Variants in PDCL3 observed in about 807,000 individuals in gnomAD.
PDCL3 encodes the protein phosducin-like protein 3.
PDCL3 carries 22 observed loss-of-function variants against 26.5 expected under a neutral mutation model. The observed-to-expected ratio is 0.83, with a 90% CI of 0.59 to 1.19. The LOEUF is 1.19. Ranked by LOEUF, PDCL3 falls within the 50% of genes most tolerant of loss-of-function variation. The probability of loss-of-function intolerance (pLI) is 0.00; values close to 1 mark genes in which losing one functional copy is unlikely to be tolerated. For missense variants in PDCL3, 246 were observed against 294.1 expected, an observed-to-expected ratio of 0.84 and a Z score of 1.20; for synonymous variants, 81 against 104.9, an observed-to-expected ratio of 0.77 and a Z score of 1.39.
chr2:100,575,318 G>GT, intron 5 of PDCL3, among the ~76,000 whole-genome samples: 1 of 152,178 alleles, frequency 6.6e-6, no homozygotes, highest in African/African-American at 2.4e-5. Flanking sequence ...TGTATTTTTA[G>GT]TAGAGACGGG....
At chr2:100,565,083 G>T (rs1394085089) in intron 1 of PDCL3, among the ~76,000 whole-genome samples, 1 of 152,162 alleles carries the variant, frequency 6.6e-6, no homozygotes, top group Non-Finnish European at 1.5e-5. Flanking sequence ...CATGCCGCAG[G>T]CCGCTCTGCC....
At chr2:100,574,535 A>G (rs913006083) in intron 5 of PDCL3, among the ~76,000 whole-genome samples, 3 of 152,198 alleles carry the variant, frequency 2.0e-5, no homozygotes, top group Admixed American at 6.5e-5. Flanking sequence ...TAGAGGTACA[A>G]TGTGAAATGA....
intron 1 of PDCL3, 73 bp downstream of exon 1, chr2:100,563,146 G>A (rs898146155): frequency 3.2e-5 from 49 of 1,522,830 alleles, no homozygotes; most frequent in Non-Finnish European, 4.3e-5. Flanking sequence ...GGCGGGCAGT[G>A]GACGCCCGCC....
At position 100,569,606 on chromosome 2, in the gene PDCL3, A is replaced by G. The variant is rs756168195; in HGVS notation, c.253A>G (p.Thr85Ala). Reference sequence around the variant, plus strand: ...GCGGAGACTGGCTGAGTGGAAAGCAACTAAACTGAAGAATAAATTCGGAGA... The same window carrying G: ...GCGGAGACTGGCTGAGTGGAAAGCAGCTAAACTGAAGAATAAATTCGGAGA... ...RRRRLAEWKA[T>A]KLKNKFGEVL... The change falls in exon 4 of 6, where the codon ACT becomes GCT. Residue 85 changes from threonine to alanine, a missense_variant. Physicochemically the swap from Thr to Ala is moderately conservative, Grantham distance 58. Coordinates refer to ENST00000264254, the MANE Select transcript of PDCL3 (RefSeq NM_024065.5). The G allele has an allele frequency of 1.7e-5, 28 of 1,613,780 alleles. No homozygotes were observed. The East Asian group carries it at 6.0e-4, about 35-fold the overall frequency.
intron 1 of PDCL3, among the ~76,000 whole-genome samples, chr2:100,564,963 G>A (rs1675032210): frequency 6.6e-6 from 1 of 152,172 alleles, no homozygotes; most frequent in South Asian, 2.1e-4. Context: ...ACTCTGAGAC[G>A]TCTCAGCTTT....
Position 100,571,696 on chromosome 2 carries a change from C to T in PDCL3, c.475C>T (p.Pro159Ser), listed in dbSNP as rs1167367950. ...TTCAACAACCTGCATACCCAATTAT[C>T]CTGATAGGAATCTGCCCACGATATT... ...AISTTCIPNY[P>S]DRNLPTIFVY... Residue 159 changes from proline to serine, a missense_variant, in exon 5 of 6, where the codon CCT becomes TCT. Coordinates refer to ENST00000264254, the MANE Select transcript of PDCL3 (RefSeq NM_024065.5). The T allele has an allele frequency of 1.9e-6, 3 of 1,613,806 alleles. No homozygotes were observed. The highest frequency in any genetic ancestry group is 2.2e-5 in the South Asian group (2 of 91,080).
At chr2:100,568,532 T>A (rs1219662296) in intron 2 of PDCL3, among the ~76,000 whole-genome samples, 1 of 152,122 alleles carries the variant, frequency 6.6e-6, no homozygotes, top group Non-Finnish European at 1.5e-5. Context: ...CTCAGGAGGC[T>A]GAGGCAGGAG....
chr2:100,568,004 G>A (rs1373745284), intron 2 of PDCL3, among the ~76,000 whole-genome samples: 1 of 152,032 alleles, frequency 6.6e-6, no homozygotes, highest in African/African-American at 2.4e-5. Flanking sequence ...TTGTAGCGAT[G>A]AGGTTTCACC....
intron 4 of PDCL3, among the ~76,000 whole-genome samples, chr2:100,570,474 C>CT (rs762190373): frequency 0.47 from 59,407 of 125,272 alleles, 14,978 homozygotes; most frequent in East Asian, 0.94. Flanking sequence ...TTAGGAATTT[C>CT]TTTTTTTTTT....
At chr2:100,563,566 T>TC (rs1674998132) in intron 1 of PDCL3, 1 of 152,542 alleles carries the variant, frequency 6.6e-6, no homozygotes, top group Admixed American at 6.6e-5. Flanking sequence ...TGGGGCGTGT[T>TC]CCCTATCTGA....
At chr2:100,571,342 C>T (rs1299287222) in intron 4 of PDCL3, among the ~76,000 whole-genome samples, 1 of 152,048 alleles carries the variant, frequency 6.6e-6, no homozygotes. Flanking sequence ...CCTTGGCCTC[C>T]CAAAGTGCTA....
At chr2:100,565,426 C>T (rs1218281296) in intron 1 of PDCL3, among the ~76,000 whole-genome samples, 5 of 152,002 alleles carry the variant, frequency 3.3e-5, no homozygotes, top group Non-Finnish European at 7.4e-5. Flanking sequence ...AGGCGCCCGC[C>T]ACCACGCCCG....
At chr2:100,571,946 A>T in intron 5 of PDCL3, 148 bp downstream of exon 5, 1 of 725,264 alleles carries the variant, frequency 1.4e-6, no homozygotes, top group Non-Finnish European at 2.4e-6. Context: ...TTAATCTCTC[A>T]TCTTAGTTGC....
Position 100,576,706 on chromosome 2 carries a change from A to G in PDCL3, c.*210A>G, listed in dbSNP as rs1675294624. ...TTAAATTATAGTATTTCCTCTAAAA[A>G]AAATTAAAACCAGCCATTTGTATGG... On this transcript the variant is annotated 3_prime_UTR_variant, in exon 6 of 6. Coordinates refer to ENST00000264254, the MANE Select transcript of PDCL3 (RefSeq NM_024065.5). The G allele has an allele frequency of 2.0e-6, 1 of 493,412 alleles. No homozygotes were observed. Among genetic ancestry groups the G allele is most frequent in the African/African-American group, 2.0e-5 (1 of 50,002 alleles). 30.6% of individuals were successfully genotyped at this position (493,412 alleles called of 1,614,324 possible). A position where few individuals can be genotyped will look rare whatever the true frequency, so the allele number is the denominator to read the frequency against.
At chr2:100,570,874 T>A (rs1675155196) in intron 4 of PDCL3, among the ~76,000 whole-genome samples, 2 of 152,224 alleles carry the variant, frequency 1.3e-5, no homozygotes, top group South Asian at 4.1e-4. Flanking sequence ...ATAGCAATTT[T>A]ATCTTTTACA....
chr2:100,575,492 C>T (rs1181896357), intron 5 of PDCL3, among the ~76,000 whole-genome samples: 3 of 152,206 alleles, frequency 2.0e-5, no homozygotes, highest in Non-Finnish European at 4.4e-5. Flanking sequence ...CTTGATGTTC[C>T]TTTAAGCGAA....
At chr2:100,575,117 A>G (rs1288705139) in intron 5 of PDCL3, among the ~76,000 whole-genome samples, 1 of 152,256 alleles carries the variant, frequency 6.6e-6, no homozygotes, top group African/African-American at 2.4e-5. Flanking sequence ...GATTAAGATA[A>G]GACTTCAGTA....
At chr2:100,569,987 A>G (rs1675136175) in intron 4 of PDCL3, among the ~76,000 whole-genome samples, 4 of 152,032 alleles carry the variant, frequency 2.6e-5, no homozygotes, top group Admixed American at 6.6e-5. Flanking sequence ...GCGGGCGCCT[A>G]TAGTCCCAGC....
At chr2:100,567,947 C>T (rs900785572) in intron 2 of PDCL3, among the ~76,000 whole-genome samples, 46 of 152,178 alleles carry the variant, frequency 3.0e-4, no homozygotes, top group South Asian at 8.3e-4. Flanking sequence ...GTCAGCCTCC[C>T]GAGTAGCTGG....
Sources: gnomAD v4.1 joint callset for allele counts (sites outside exome capture counted in the v4.1 genomes callset) on GRCh38, gnomAD v4.1.1 for gene constraint, MANE v1.5 for transcripts, NCBI Gene and HGNC (gene_info 2026-07-23, HGNC 2026-07-21) for gene names.